DMD: variants seen among roughly 807,000 people sequenced by gnomAD.
The protein encoded by DMD is dystrophin.
In DMD, 63 loss-of-function variants were observed where a neutral mutation model predicts 330.1. That is an observed-to-expected ratio of 0.19 (90% CI 0.16 to 0.24). The LOEUF (loss-of-function observed/expected upper bound fraction) is 0.24. Among genes scored for constraint, DMD ranks in the 10% least tolerant of loss-of-function variants. The pLI is 1.00. For synonymous variants in DMD, 1,223 were observed against 959.8 expected, an observed-to-expected ratio of 1.27 and a Z score of -5.07; for missense variants, 3,344 against 2,684.1, an observed-to-expected ratio of 1.25 and a Z score of -5.43.
At chrX:32,488,645 G>T (rs2042705345) in intron 20 of DMD, among the ~76,000 whole-genome samples, 1 of 111,518 alleles carries the variant, frequency 9.0e-6, no homozygotes, top group African/African-American at 3.3e-5. Context: ...GGGTGATAAG[G>T]AGGTGACAAC....
At chrX:33,066,461 A>AAAAAAAAAGGAAGG (rs754870790) in intron 1 of DMD, among the ~76,000 whole-genome samples, 3 of 84,203 alleles carry the variant, frequency 3.6e-5, no homozygotes, top group Non-Finnish European at 6.3e-5. Context: ...AAAAAAAAAA[A>AAAAAAAAAGGAAGG]AAGGAAGGAA....
rs139718388 is a variant in DMD, at chrX:33,050,476, T to A, written c.32-30276A>T. On this transcript the variant is annotated intron_variant, in intron 1 of 78. Transcript: ENST00000357033. The stretch of plus-strand genomic sequence containing the variant: ...AATGCACGCAGAATAAATGTCATTA[T>A]GAAATATTCTGAACGTGTGTACTTG... 2.7e-5 allele frequency among the ~76,000 whole-genome samples: 3 copies of A among 111,914 alleles called. No individual in the cohort carries two copies. The East Asian group carries it at 8.4e-4, about 31-fold the overall frequency.
At chrX:33,090,710 T>C (rs1186342257) in intron 1 of DMD, among the ~76,000 whole-genome samples, 1 of 110,765 alleles carries the variant, frequency 9.0e-6, no homozygotes, top group Non-Finnish European at 1.9e-5. Context: ...TCAAGTTATA[T>C]ATGTTAAACA....
intron 62 of DMD, chrX:31,266,888 C>T: frequency 8.4e-7 from 1 of 1,189,510 alleles, no homozygotes; most frequent in Non-Finnish European, 1.1e-6. Context: ...CTTCCCAGAG[C>T]CGCCGGGCTC....
intron 41 of DMD, among the ~76,000 whole-genome samples, chrX:32,334,458 C>T (rs1000584163): frequency 7.2e-5 from 8 of 111,569 alleles, no homozygotes; most frequent in African/African-American, 2.3e-4. Context: ...CAATATATTT[C>T]CCCTAATTTT....
chrX:32,129,298 A>C (rs1375462443), intron 44 of DMD, among the ~76,000 whole-genome samples: 1 of 111,423 alleles, frequency 9.0e-6, no homozygotes, highest in Admixed American at 9.6e-5. Context: ...GATTCAATAA[A>C]ATTTCCAAAG....
chrX:32,603,687 C>A (rs2056422713), intron 12 of DMD, among the ~76,000 whole-genome samples: 1 of 110,851 alleles, frequency 9.0e-6, no homozygotes, highest in Non-Finnish European at 1.9e-5. Context: ...ACAACTGATA[C>A]CATAGAAATA....
At chrX:32,870,823 C>T (rs1022340597) in intron 2 of DMD, among the ~76,000 whole-genome samples, 5 of 109,898 alleles carry the variant, frequency 4.5e-5, no homozygotes, top group Non-Finnish European at 9.5e-5. Context: ...TATAAAAACC[C>T]TGTAAGAAAA....
At chrX:33,301,959 TAA>T (rs1327039923) in intron 1 of DMD, among the ~76,000 whole-genome samples, 2 of 111,878 alleles carry the variant, frequency 1.8e-5, no homozygotes, top group African/African-American at 6.5e-5. Flanking sequence ...TGTAAGATAT[TAA>T]GTTTTAATAT....
At position 32,216,149 on chromosome X, in the gene DMD, T is replaced by C. The variant is rs917388510; in HGVS notation, c.6438+767A>G. ...TTGGCTACAATTCAAATCCACTTGA[T>C]TGACTATTGCAACATGAACAATTTG... On this transcript the variant is annotated intron_variant, in intron 44 of 78. Transcript: ENST00000357033. 2.7e-5 allele frequency among the ~76,000 whole-genome samples: 3 copies of C among 112,090 alleles called. No individual in the cohort carries two copies. In the Admixed American group the frequency reaches 2.9e-4, roughly 11 times the overall value.
At chrX:32,144,759 G>A (rs1271129773) in intron 44 of DMD, among the ~76,000 whole-genome samples, 1 of 111,957 alleles carries the variant, frequency 8.9e-6, no homozygotes, top group Non-Finnish European at 1.9e-5. Flanking sequence ...CGGGCTGGGC[G>A]CGGTGGCTCA....
chrX:33,061,304 C>T (rs1024924357), intron 1 of DMD, among the ~76,000 whole-genome samples: 2 of 112,330 alleles, frequency 1.8e-5, no homozygotes, highest in Non-Finnish European at 3.8e-5. Context: ...CATGACATTA[C>T]ATTTGAAATT....
chrX:32,860,659 TAGAGG>T (rs746866184), intron 2 of DMD, among the ~76,000 whole-genome samples: 6 of 110,733 alleles, frequency 5.4e-5, no homozygotes, highest in Non-Finnish European at 9.4e-5. Flanking sequence ...ATAATATACA[TAGAGG>T]AAAGTACACG....
At chrX:32,600,592 G>GCACA (rs1405423139) in intron 12 of DMD, among the ~76,000 whole-genome samples, 1 of 63,224 alleles carries the variant, frequency 1.6e-5, no homozygotes, top group African/African-American at 1.1e-4. Flanking sequence ...ACACAAACAC[G>GCACA]CACACGCACA....
At chrX:32,321,252 G>A (rs781031885) in intron 41 of DMD, among the ~76,000 whole-genome samples, 2 of 110,901 alleles carry the variant, frequency 1.8e-5, no homozygotes, top group East Asian at 2.9e-4. Context: ...TCCATGCAAC[G>A]TCAAGATAAT....
chrX:31,179,218 G>A (rs749631965), intron 69 of DMD, among the ~76,000 whole-genome samples: 4 of 112,457 alleles, frequency 3.6e-5, no homozygotes, highest in African/African-American at 1.3e-4. Flanking sequence ...CTAAATTTCG[G>A]TCTATTCATA....
chrX:32,061,480 G>A lies in DMD; in HGVS notation c.6439-92966C>T, dbSNP rs142131201. 4.6e-3 allele frequency among the ~76,000 whole-genome samples: 515 copies of A among 111,542 alleles called. 3 individuals carry two copies. Among genetic ancestry groups the A allele is most frequent in the East Asian group, 0.038 (133 of 3,521 alleles). On this transcript the variant is annotated intron_variant, in intron 44 of 78. Coordinates refer to ENST00000357033, the MANE Select transcript of DMD (RefSeq NM_004006.3). ...TCATCATACCTCTATAAATTAAAAT[G>A]TTATTTTCTTTCTACAGTTGTGCTC...
intron 55 of DMD, among the ~76,000 whole-genome samples, chrX:31,519,444 C>T (rs893367805): frequency 1.8e-5 from 2 of 112,292 alleles, no homozygotes; most frequent in East Asian, 2.8e-4. Flanking sequence ...CTAGAAATCA[C>T]AACAGCCATG....
chrX:32,859,083 G>A (rs750868058), intron 2 of DMD, among the ~76,000 whole-genome samples: 1 of 111,372 alleles, frequency 9.0e-6, no homozygotes, highest in East Asian at 2.8e-4. Flanking sequence ...TTGGCAAATC[G>A]TATGCACTCA....
Sources: gnomAD v4.1 joint callset for allele counts (sites outside exome capture counted in the v4.1 genomes callset) on GRCh38, gnomAD v4.1.1 for gene constraint, MANE v1.5 for transcripts, NCBI Gene and HGNC (gene_info 2026-07-23, HGNC 2026-07-21) for gene names.